Variants in CFAP221 observed in about 807,000 individuals in gnomAD.
The protein encoded by CFAP221 is cilia and flagella associated protein 221, also known as cilia- and flagella-associated protein 221.
CFAP221 carries 97 observed loss-of-function variants against 113.1 expected under a neutral mutation model. The ratio of observed to expected loss-of-function variants is 0.86; its 90% confidence interval spans 0.73 to 1.02. The LOEUF (loss-of-function observed/expected upper bound fraction) is 1.02, where lower values mean the gene tolerates loss of function less well. Among genes scored for constraint, CFAP221 ranks in the 50% least tolerant of loss-of-function variants. The pLI is 0.00. For synonymous variants in CFAP221, 331 were observed against 354.4 expected (o/e 0.93, Z 0.74); for missense variants, 1,025 against 1,013.4 (o/e 1.01, Z -0.16).
chr2:119,652,298 C>T (rs966887924), intron 23 of CFAP221, among the ~76,000 whole-genome samples: 3 of 152,188 alleles, frequency 2.0e-5, no homozygotes, highest in Middle Eastern at 3.2e-3. Flanking sequence ...TTTCCATGTG[C>T]TTATCAATCA....
chr2:119,612,433 C>G (rs1685241633), intron 13 of CFAP221, among the ~76,000 whole-genome samples: 1 of 152,112 alleles, frequency 6.6e-6, no homozygotes, highest in African/African-American at 2.4e-5. Context: ...GAATGAAAAC[C>G]AAGCCAAGGG....
chr2:119,634,333 G>A (rs947543253), intron 19 of CFAP221, among the ~76,000 whole-genome samples: 11 of 152,090 alleles, frequency 7.2e-5, no homozygotes, highest in Non-Finnish European at 1.6e-4. Flanking sequence ...CAGGTGTGAT[G>A]GCAGAAGCCT....
chr2:119,620,824 C>T (rs1370502385), intron 14 of CFAP221, among the ~76,000 whole-genome samples: 1 of 152,058 alleles, frequency 6.6e-6, no homozygotes. Context: ...CAAGACCCAT[C>T]AGTGTGGCGT....
intron 19 of CFAP221, chr2:119,631,162 A>C (rs1240098344): frequency 3.5e-5 from 32 of 902,250 alleles, no homozygotes; most frequent in Non-Finnish European, 4.5e-5. Context: ...TATAGGCCAA[A>C]GAAGAAATTG....
At chr2:119,575,608 G>GT (rs1682390058) in intron 6 of CFAP221, among the ~76,000 whole-genome samples, 1 of 152,156 alleles carries the variant, frequency 6.6e-6, no homozygotes, top group Non-Finnish European at 1.5e-5. Flanking sequence ...TGGGGAGTTG[G>GT]TGTTTAATGA....
rs1022587099 is a variant in CFAP221, at chr2:119,544,450, A to G, written c.-108A>G. ...GGAGCGCGTCCGCGTCGTCATGGCG[A>G]CGCTCCGAGCGGGCGCCGGCGCTGG... is the stretch of plus-strand genomic sequence containing the variant. On this transcript the variant is annotated 5_prime_UTR_variant, in exon 1 of 24. Coordinates refer to ENST00000413369, the MANE Select transcript of CFAP221 (RefSeq NM_001271049.2). 3 of 151,720 alleles carry G rather than the reference A, an allele frequency of 2.0e-5. 1 individual carries two copies. Among genetic ancestry groups the G allele is most frequent in the Admixed American group, 2.0e-4 (3 of 15,242 alleles). 9.4% of individuals were successfully genotyped at this position (151,720 alleles called of 1,614,324 possible).
chr2:119,597,532 G>C (rs1193918538), intron 7 of CFAP221, among the ~76,000 whole-genome samples: 1 of 152,178 alleles, frequency 6.6e-6, no homozygotes, highest in Non-Finnish European at 1.5e-5. Flanking sequence ...CTAAATCTTG[G>C]AATATTAAAA....
chr2:119,595,770 G>A (rs1683923140), intron 7 of CFAP221, among the ~76,000 whole-genome samples: 1 of 152,098 alleles, frequency 6.6e-6, no homozygotes, highest in Admixed American at 6.5e-5. Flanking sequence ...ATAAGACATG[G>A]TGATGTGACC....
downstream of CFAP221, among the ~76,000 whole-genome samples, chr2:119,658,396 C>T (rs1282547705): frequency 1.3e-5 from 2 of 152,186 alleles, no homozygotes; most frequent in Non-Finnish European, 2.9e-5. Context: ...TACCTTCCAG[C>T]ATCACAGTAT....
At position 119,560,045 on chromosome 2, in the gene CFAP221, C is replaced by CTTT. The variant is rs35631078; in HGVS notation, c.426+37_426+39dup. 2.8e-3 allele frequency: 2,481 copies of CTTT among 873,396 alleles called. 2 individuals carry two copies. The highest frequency in any genetic ancestry group is 5.2e-3 in the East Asian group (170 of 32,978). The allele number at this position is 873,396 out of a possible 1,614,324, so 54.1% of individuals were successfully genotyped here. ...CTGTAAGGTAGGTCTCTTAAAATTGCTTTTTTTTTTTTTTTTTTTTGATGG... is the reference window on the plus strand; with the variant it reads ...CTGTAAGGTAGGTCTCTTAAAATTGCTTTTTTTTTTTTTTTTTTTTTTTGATGG... On this transcript the variant is annotated intron_variant, in intron 5 of 23. Transcript: ENST00000413369.
intron 7 of CFAP221, among the ~76,000 whole-genome samples, chr2:119,596,335 A>T (rs765157772): frequency 6.6e-6 from 1 of 152,140 alleles, no homozygotes; most frequent in African/African-American, 2.4e-5. Context: ...CAGGCTCTGA[A>T]GCCCCTCCAG....
chr2:119,590,646 G>A (rs539419819), intron 7 of CFAP221, among the ~76,000 whole-genome samples: 1 of 152,364 alleles, frequency 6.6e-6, no homozygotes, highest in Admixed American at 6.5e-5. Context: ...GGGAGCATAT[G>A]CTGGTTCCTT....
intron 23 of CFAP221, 146 bp downstream of exon 23, chr2:119,652,215 G>T (rs1688171513): frequency 3.7e-6 from 2 of 542,364 alleles, no homozygotes; most frequent in African/African-American, 2.0e-5. Context: ...ATTTAGATGT[G>T]TATTTTATTT....
intron 3 of CFAP221, chr2:119,557,515 C>A (rs192141139): frequency 6.6e-6 from 1 of 152,294 alleles, no homozygotes; most frequent in Admixed American, 6.5e-5. Context: ...TTTGCACTCA[C>A]CAGATTGTCA....
At position 119,636,401 on chromosome 2, in the gene CFAP221, C is replaced by T. The variant is rs557829901; in HGVS notation, c.1975-1858C>T. ...TTTCACCTGAAGGGGAGTTGAAATA[C>T]TCAACTAAAGATGATGTACAAGAAA... On this transcript the variant is annotated intron_variant, in intron 19 of 23. Coordinates refer to ENST00000413369, the MANE Select transcript of CFAP221 (RefSeq NM_001271049.2). Among the ~76,000 whole-genome samples, 3 of 152,240 alleles carry T rather than the reference C, an allele frequency of 2.0e-5. No homozygotes were observed. In the South Asian group the frequency reaches 6.2e-4, roughly 32 times the overall value.
chr2:119,643,810 G>T (rs765260917), intron 21 of CFAP221, among the ~76,000 whole-genome samples: 1 of 152,078 alleles, frequency 6.6e-6, no homozygotes, highest in Non-Finnish European at 1.5e-5. Flanking sequence ...CTCCCAAAGT[G>T]CTGGGATTAC....
At chr2:119,547,287 C>T (rs560896576) in intron 2 of CFAP221, among the ~76,000 whole-genome samples, 21 of 152,096 alleles carry the variant, frequency 1.4e-4, no homozygotes, top group Non-Finnish European at 2.1e-4. Flanking sequence ...AGGCCAGGTG[C>T]GGTGGCTCAC....
intron 3 of CFAP221, among the ~76,000 whole-genome samples, chr2:119,555,530 T>C (rs1262695970): frequency 6.6e-6 from 1 of 152,242 alleles, no homozygotes; most frequent in African/African-American, 2.4e-5. Flanking sequence ...TCCCCAGTTT[T>C]AGTTATAAAT....
intron 15 of CFAP221, among the ~76,000 whole-genome samples, chr2:119,625,955 C>T (rs1378348913): frequency 6.6e-6 from 1 of 152,144 alleles, no homozygotes; most frequent in African/African-American, 2.4e-5. Context: ...GCCTTTTAAA[C>T]TTAATGGCTT....
Sources: gnomAD v4.1 joint callset for allele counts (sites outside exome capture counted in the v4.1 genomes callset) on GRCh38, gnomAD v4.1.1 for gene constraint, MANE v1.5 for transcripts, NCBI Gene and HGNC (gene_info 2026-07-23, HGNC 2026-07-21) for gene names.